The following DCST2 variants were observed in gnomAD, a reference collection of about 807,000 sequenced individuals.
The protein encoded by DCST2 is DC-STAMP domain containing 2.
A neutral mutation model predicts 81.8 loss-of-function variants in DCST2; 64 were observed. That is an observed-to-expected ratio of 0.78 (90% CI 0.64 to 0.96). The LOEUF (loss-of-function observed/expected upper bound fraction) is 0.96. Ranked by LOEUF, DCST2 falls within the 40% of genes least tolerant of loss-of-function variation. DCST2 has a pLI of 0.00. For missense variants in DCST2, 945 were observed against 1,001.4 expected (o/e 0.94, Z 0.76); for synonymous variants, 354 against 402.6 (o/e 0.88, Z 1.44).
At chr1:155,028,934 G>A (rs1358133475) in intron 8 of DCST2, among the ~76,000 whole-genome samples, 5 of 151,122 alleles carry the variant, frequency 3.3e-5, no homozygotes, top group South Asian at 2.1e-4. Flanking sequence ...GAAGGTCACC[G>A]CCTAATAAAG....
rs763088650 is a variant in DCST2 at position 155,030,480 on chromosome 1, G to A, written c.971C>T (p.Ala324Val). The change falls in exon 6 of 15, where the codon GCT (alanine) becomes GTT (valine). Residue 324 changes from alanine (A) to valine (V), a missense_variant. Transcript: ENST00000368424. ...CAGAGGCGTGGTGAAGCCCATCAGA[G>A]CCAGGGCCTCTCGGACACGGTGCAG... ...MKLHRVREALALMGFTTPLLL... is the reference protein window; with the variant it reads ...MKLHRVREALVLMGFTTPLLL... 15 of 1,614,054 alleles carry A rather than the reference G, an allele frequency of 9.3e-6. No individual in the cohort carries two copies. The highest frequency in any genetic ancestry group is 1.3e-5 in the Non-Finnish European group (15 of 1,180,016).
At chr1:155,031,378 T>C (rs1445959891) in intron 4 of DCST2, 144 bp from the exon 5 acceptor site, 2 of 1,044,780 alleles carry the variant, frequency 1.9e-6, no homozygotes, top group Non-Finnish European at 2.8e-6. Flanking sequence ...CACCTCCCTG[T>C]CGCCCTTCTC....
chr1:155,033,212 C>T lies in DCST2; in HGVS notation c.321G>A (p.Gly107=). 2 of 1,614,026 alleles carry T rather than the reference C, an allele frequency of 1.2e-6. No homozygotes were observed. The highest frequency in any genetic ancestry group is 1.7e-6 in the Non-Finnish European group (2 of 1,179,964). The part of the protein sequence containing the change: ...LVAAFGLVLQ[G]PCANTLRNFT... The stretch of plus-strand genomic sequence containing the variant: ...AGTTGCGTAGAGTGTTGGCACAAGG[C>T]CCTTGAAGCACCAACCCAAAAGCAG... Residue 107 remains glycine (G), a synonymous_variant, in exon 2 of 15, where the codon GGG becomes GGA. Transcript: ENST00000368424.
intron 4 of DCST2, 68 bp downstream of exon 4, chr1:155,031,505 AC>A: frequency 7.0e-7 from 1 of 1,427,780 alleles, no homozygotes. Context: ...CTCCCAACTG[AC>A]CCCCACATTC....
intron 8 of DCST2, among the ~76,000 whole-genome samples, chr1:155,028,509 G>A (rs1361382864): frequency 2.6e-5 from 4 of 151,718 alleles, no homozygotes; most frequent in African/African-American, 4.8e-5. Context: ...GCTTGAACCC[G>A]GGAGGCAGAG....
intron 14 of DCST2, among the ~76,000 whole-genome samples, chr1:155,021,985 G>C (rs1234559056): frequency 6.6e-6 from 1 of 151,516 alleles, no homozygotes; most frequent in African/African-American, 2.4e-5. Flanking sequence ...TCCTGCCTCA[G>C]CCTCCCGAGT....
At chr1:155,030,736 G>A in intron 5 of DCST2, 91 bp from the exon 6 acceptor site, 1 of 1,428,722 alleles carries the variant, frequency 7.0e-7, no homozygotes, top group Non-Finnish European at 9.6e-7. Context: ...CAGCCCAGGG[G>A]GCGCAGCTTA....
intron 4 of DCST2, 59 bp downstream of exon 4, chr1:155,031,515 T>TTGCCCCCCCC: frequency 1.6e-6 from 1 of 643,126 alleles, no homozygotes; most frequent in Non-Finnish European, 2.9e-6. Context: ...ACCCCCACAT[T>TTGCCCCCCCC]CCCACCCCAC....
chr1:155,030,244 G>C lies in DCST2; in HGVS notation c.1020-3C>G, dbSNP rs1469780064. 1.2e-6 allele frequency: 2 copies of C among 1,614,054 alleles called. No homozygotes were observed. Among genetic ancestry groups the C allele is most frequent in the South Asian group, 1.1e-5 (1 of 91,056 alleles). ...AACAATACCGGTAAAATAGGGCTCT[G>C]GGAAGGGGAGGTGGAGCACATGTGA... is the stretch of plus-strand genomic sequence containing the variant. On this transcript the variant is annotated splice_polypyrimidine_tract_variant and splice_region_variant and intron_variant, in intron 6 of 14. Transcript: ENST00000368424.
At chr1:155,032,812 G>T in intron 2 of DCST2, 44 bp from the exon 3 acceptor site, 1 of 1,559,868 alleles carries the variant, frequency 6.4e-7, no homozygotes, top group South Asian at 1.1e-5. Context: ...TTCTCCTCTA[G>T]GGGCTGGTTC....
intron 10 of DCST2, 21 bp from the exon 11 acceptor site, chr1:155,024,623 A>G (rs770537208): frequency 5.1e-6 from 8 of 1,580,536 alleles, no homozygotes; most frequent in Non-Finnish European, 5.2e-6. Flanking sequence ...GAGATCAGGG[A>G]TGGGGTCCCA....
chr1:155,021,854 T>G (rs1231582696), intron 14 of DCST2, among the ~76,000 whole-genome samples: 4 of 151,320 alleles, frequency 2.6e-5, no homozygotes, highest in Admixed American at 2.6e-4. Context: ...CTGCCTTCTT[T>G]GCTTATGGTC....
Position 155,033,203 on chromosome 1 carries a change from G to A in DCST2, c.330C>T (p.Ala110=). The change falls in exon 2 of 15, where the codon GCC becomes GCT. Residue 110 remains alanine, a synonymous_variant. Transcript: ENST00000368424. ...AFGLVLQGPC[A]NTLRNFTRAS... ...CCCGGGTGAAGTTGCGTAGAGTGTT[G>A]GCACAAGGCCCTTGAAGCACCAACC... is the stretch of plus-strand genomic sequence containing the variant. 1 of 1,614,004 alleles carries A rather than the reference G, an allele frequency of 6.2e-7. No homozygotes were observed. Among genetic ancestry groups the A allele is most frequent in the Non-Finnish European group, 8.5e-7 (1 of 1,179,964 alleles).
intron 8 of DCST2, among the ~76,000 whole-genome samples, chr1:155,027,198 ATTTTT>A (rs900841532): frequency 5.3e-5 from 5 of 94,180 alleles, no homozygotes; most frequent in African/African-American, 1.3e-4. Flanking sequence ...ACGACCGGCT[ATTTTT>A]TTTTTTTTTT....
chr1:155,025,189 C>T (rs977624800), intron 10 of DCST2, among the ~76,000 whole-genome samples: 1 of 151,708 alleles, frequency 6.6e-6, no homozygotes, highest in African/African-American at 2.4e-5. Flanking sequence ...GTCTGGCCTG[C>T]CTCGAATCTG....
At chr1:155,028,566 AGAGT>A (rs926354069) in intron 8 of DCST2, among the ~76,000 whole-genome samples, 1 of 149,794 alleles carries the variant, frequency 6.7e-6, no homozygotes, top group African/African-American at 2.5e-5. Flanking sequence ...CCTGGGTGAC[AGAGT>A]GAGACTCCAT....
intron 14 of DCST2, among the ~76,000 whole-genome samples, chr1:155,021,789 T>C (rs6671688): frequency 0.46 from 69,660 of 151,252 alleles, 17,119 homozygotes; most frequent in East Asian, 0.9. Flanking sequence ...CACGAACTTC[T>C]CCTAGACTAA....
intron 5 of DCST2, chr1:155,030,929 C>T: frequency 1.6e-6 from 1 of 610,518 alleles, no homozygotes; most frequent in Non-Finnish European, 2.9e-6. Flanking sequence ...GACAGGAGGC[C>T]CTGGTTCTGT....
At chr1:155,020,798 A>G (rs942810490) in intron 14 of DCST2, among the ~76,000 whole-genome samples, 2 of 151,080 alleles carry the variant, frequency 1.3e-5, no homozygotes, top group Non-Finnish European at 2.9e-5. Context: ...CTGTCTTCAC[A>G]TGATCCTACT....
Sources: gnomAD v4.1 joint callset for allele counts (sites outside exome capture counted in the v4.1 genomes callset) on GRCh38, gnomAD v4.1.1 for gene constraint, MANE v1.5 for transcripts, NCBI Gene and HGNC (gene_info 2026-07-23, HGNC 2026-07-21) for gene names.